Variants in LMAN2L observed in about 807,000 individuals in gnomAD.
The protein encoded by LMAN2L is lectin, mannose binding 2 like, also known as VIP36-like protein.
LMAN2L carries 30 observed loss-of-function variants against 44.3 expected under a neutral mutation model. That is an observed-to-expected ratio of 0.68 (90% CI 0.51 to 0.92). The LOEUF (loss-of-function observed/expected upper bound fraction) is 0.92, where lower values mean the gene tolerates loss of function less well. LMAN2L is among the 40% of genes least tolerant of loss of function. The probability of loss-of-function intolerance (pLI) is 0.00; values close to 1 mark genes in which losing one functional copy is unlikely to be tolerated. For missense variants in LMAN2L, 429 were observed against 446.1 expected (o/e 0.96, Z 0.35); for synonymous variants, 183 against 171.1 (o/e 1.07, Z -0.54).
In LMAN2L at chr2:96,733,572, C is replaced by G. The variant is rs1214158475; in HGVS notation, c.454G>C (p.Val152Leu). ...GTGTCTACAAATACTCCCAGCCCCA[C>G]AAATTTGTCCATGTTTCCAAACACA... ...GPVFGNMDKF[V>L]GLGVFVDTYP... Residue 152 changes from valine (V) to leucine (L), a missense_variant, in exon 4 of 8, where the codon GTG becomes CTG. Physicochemically the swap from Val to Leu is conservative, Grantham distance 32. Coordinates refer to ENST00000264963, the MANE Select transcript of LMAN2L (RefSeq NM_030805.4). 15 of 1,613,906 alleles carry G rather than the reference C, an allele frequency of 9.3e-6. No individual in the cohort carries two copies. Among genetic ancestry groups the G allele is most frequent in the Non-Finnish European group, 1.1e-5 (13 of 1,179,900 alleles).
Position 96,713,032 on chromosome 2 carries a change from G to C in LMAN2L, c.508-1007C>G, listed in dbSNP as rs760458358. ...CGGGGACTCCTGAGACAACCACATGGACTTGAAACAGCAACAAATGTTGGA... is the reference window on the plus strand; with the variant it reads ...CGGGGACTCCTGAGACAACCACATGCACTTGAAACAGCAACAAATGTTGGA... On this transcript the variant is annotated intron_variant, in intron 4 of 7. Transcript: ENST00000264963. The C allele has an allele frequency of 3.0e-4, 387 of 1,311,250 alleles. 1 individual carries two copies. Among genetic ancestry groups the C allele is most frequent in the Middle Eastern group, 7.3e-4 (4 of 5,486 alleles). 81.2% of individuals were successfully genotyped at this position (1,311,250 alleles called of 1,614,324 possible). A position where few individuals can be genotyped will look rare whatever the true frequency, so the allele number is the denominator to read the frequency against.
At chr2:96,733,411 G>A (rs1369387621) in intron 4 of LMAN2L, 108 bp downstream of exon 4, 1 of 785,676 alleles carries the variant, frequency 1.3e-6, no homozygotes, top group East Asian at 2.6e-5. Context: ...TTCAACAGAT[G>A]AAGAACCCCT....
intron 4 of LMAN2L, among the ~76,000 whole-genome samples, chr2:96,723,775 A>G (rs2078208846): frequency 6.6e-6 from 1 of 152,182 alleles, no homozygotes; most frequent in Non-Finnish European, 1.5e-5. Context: ...TTCTTTCCCC[A>G]TTGAATTATC....
At chr2:96,739,769 G>T in intron 1 of LMAN2L, 85 bp downstream of exon 1, 1 of 1,389,976 alleles carries the variant, frequency 7.2e-7, no homozygotes, top group Non-Finnish European at 1.0e-6. Context: ...GGGCCACGAA[G>T]CCCTTCGCCG....
rs373810453 is a variant in LMAN2L, at chr2:96,712,041, G to T, written c.508-16C>A. 421 of 1,613,774 alleles carry T rather than the reference G, an allele frequency of 2.6e-4. 2 individuals are homozygous for T. In the Middle Eastern group the frequency reaches 0.013, roughly 51 times the overall value. ...GGAATACCCGCTGGAAAGCAGAGAG[G>T]GGGAAGCAGACACTAAGGAAGAGCA... On this transcript the variant is annotated splice_polypyrimidine_tract_variant and intron_variant, in intron 4 of 7. Transcript: ENST00000264963.
chr2:96,716,119 C>T (rs191839413), intron 4 of LMAN2L, among the ~76,000 whole-genome samples: 12 of 152,314 alleles, frequency 7.9e-5, no homozygotes, highest in Non-Finnish European at 1.5e-5. Context: ...ATTCCCAGAC[C>T]ACTGGCTGTG....
rs2078451223 is a variant in LMAN2L, at chr2:96,733,548, T to C, written c.478A>G (p.Thr160Ala). ...KFVGLGVFVD[T>A]YPNEEKQQER... is the part of the protein sequence containing the mutation. ...TGCTGCTTCTCCTCATTGGGGTAGG[T>C]GTCTACAAATACTCCCAGCCCCACA... The change falls in exon 4 of 8, where the codon ACC becomes GCC. Residue 160 changes from threonine to alanine, a missense_variant. Transcript: ENST00000264963. The C allele has an allele frequency of 6.2e-7, 1 of 1,613,970 alleles. No individual in the cohort carries two copies. Among genetic ancestry groups the C allele is most frequent in the Non-Finnish European group, 8.5e-7 (1 of 1,179,920 alleles).
chr2:96,732,282 C>T (rs2078415443), intron 4 of LMAN2L, among the ~76,000 whole-genome samples: 1 of 152,036 alleles, frequency 6.6e-6, no homozygotes, highest in Non-Finnish European at 1.5e-5. Context: ...CAGCAACAAC[C>T]TGTCATAATT....
chr2:96,723,977 T>A (rs1018111522), intron 4 of LMAN2L, among the ~76,000 whole-genome samples: 1 of 151,222 alleles, frequency 6.6e-6, no homozygotes, highest in African/African-American at 2.4e-5. Context: ...CAGGCACCTG[T>A]AGTCCCAGCT....
At chr2:96,721,896 T>A (rs1345339118) in intron 4 of LMAN2L, among the ~76,000 whole-genome samples, 1 of 152,192 alleles carries the variant, frequency 6.6e-6, no homozygotes, top group Non-Finnish European at 1.5e-5. Flanking sequence ...GGAAGACAAT[T>A]TTTCCATGAA....
intron 6 of LMAN2L, among the ~76,000 whole-genome samples, chr2:96,709,392 T>C (rs2077862805): frequency 6.6e-6 from 1 of 152,166 alleles, no homozygotes; most frequent in Admixed American, 6.5e-5. Context: ...ATCAGCCATT[T>C]CTCAAGGAAG....
At chr2:96,714,885 G>T (rs2078007763) in intron 4 of LMAN2L, among the ~76,000 whole-genome samples, 1 of 152,176 alleles carries the variant, frequency 6.6e-6, no homozygotes. Flanking sequence ...ACGTATACAT[G>T]GGTCCCTCAG....
intron 6 of LMAN2L, among the ~76,000 whole-genome samples, chr2:96,708,975 C>T (rs1490497859): frequency 7.4e-6 from 1 of 135,748 alleles, no homozygotes; most frequent in Non-Finnish European, 1.5e-5. Flanking sequence ...AGTGCAATGG[C>T]ACGATCTCGG....
intron 4 of LMAN2L, among the ~76,000 whole-genome samples, chr2:96,727,999 A>T (rs62156210): frequency 0.077 from 11,718 of 152,292 alleles, 511 homozygotes; most frequent in Middle Eastern, 0.16. Context: ...CATCTACCCC[A>T]AAAGGTTGTT....
chr2:96,737,175 T>C (rs1448420619), intron 2 of LMAN2L: 3 of 456,052 alleles, frequency 6.6e-6, no homozygotes, highest in African/African-American at 4.0e-5. Flanking sequence ...CCAGGAATAC[T>C]GCATTCACTT....
At chr2:96,720,901 T>C (rs2078138692) in intron 4 of LMAN2L, among the ~76,000 whole-genome samples, 1 of 152,102 alleles carries the variant, frequency 6.6e-6, no homozygotes, top group African/African-American at 2.4e-5. Flanking sequence ...ATCACGCCAC[T>C]GCACTCCAAC....
chr2:96,738,865 T>A (rs1423197877), intron 1 of LMAN2L, among the ~76,000 whole-genome samples: 2 of 151,950 alleles, frequency 1.3e-5, no homozygotes, highest in Non-Finnish European at 2.9e-5. Flanking sequence ...CTCAGCCTCC[T>A]GAGTAGCTGG....
chr2:96,714,696 C>G (rs1458598440), intron 4 of LMAN2L, among the ~76,000 whole-genome samples: 1 of 152,170 alleles, frequency 6.6e-6, no homozygotes, highest in Non-Finnish European at 1.5e-5. Flanking sequence ...TAAGTTGCAA[C>G]TTTAAAGAGA....
intron 4 of LMAN2L, among the ~76,000 whole-genome samples, chr2:96,731,575 G>C (rs1328003363): frequency 6.6e-6 from 1 of 151,794 alleles, no homozygotes; most frequent in East Asian, 1.9e-4. Context: ...GAACCCAGGA[G>C]GTGTATGTAG....
Sources: gnomAD v4.1 joint callset for allele counts (sites outside exome capture counted in the v4.1 genomes callset) on GRCh38, gnomAD v4.1.1 for gene constraint, MANE v1.5 for transcripts, NCBI Gene and HGNC (gene_info 2026-07-23, HGNC 2026-07-21) for gene names.